Variants in SETD4 observed in about 807,000 individuals in gnomAD.
SETD4 encodes the protein SET domain-containing protein 4.
A neutral mutation model predicts 58.3 loss-of-function variants in SETD4; 46 were observed. The observed-to-expected ratio is 0.79, with a 90% CI of 0.62 to 1.01. The LOEUF (loss-of-function observed/expected upper bound fraction) is 1.01, where lower values mean the gene tolerates loss of function less well. Among genes scored for constraint, SETD4 ranks in the 50% least tolerant of loss-of-function variants. The pLI, the probability that SETD4 is intolerant of heterozygous loss-of-function variation, is 0.00. For synonymous variants in SETD4, 190 were observed against 202.6 expected, an observed-to-expected ratio of 0.94 and a Z score of 0.53; for missense variants, 490 against 523.3, an observed-to-expected ratio of 0.94 and a Z score of 0.62.
At chr21:36,044,858 G>T (rs887046218) in intron 6 of SETD4, among the ~76,000 whole-genome samples, 4 of 152,154 alleles carry the variant, frequency 2.6e-5, no homozygotes, top group African/African-American at 9.7e-5. Flanking sequence ...GTGGTTACAG[G>T]TGAGCCAACT....
intron 5 of SETD4, 111 bp downstream of exon 5, chr21:36,048,197 G>C: frequency 3.3e-6 from 3 of 914,906 alleles, no homozygotes; most frequent in Non-Finnish European, 5.4e-6. Context: ...TTATTTATCA[G>C]CTCTACAAGG....
chr21:36,058,960 T>C, intron 1 of SETD4, 36 bp from the exon 2 acceptor site: 3 of 1,510,452 alleles, frequency 2.0e-6, no homozygotes, highest in Non-Finnish European at 2.7e-6. Context: ...GTAATTTCTG[T>C]GGAAATGCTC....
chr21:36,036,054 CCTT>C, intron 11 of SETD4, 28 bp downstream of exon 11: 1 of 1,606,786 alleles, frequency 6.2e-7, no homozygotes, highest in South Asian at 1.1e-5. Flanking sequence ...GTCCATCAAA[CCTT>C]AGTCTAAAAT....
chr21:36,057,707 T>C (rs1485587921), intron 2 of SETD4, among the ~76,000 whole-genome samples: 2 of 152,192 alleles, frequency 1.3e-5, no homozygotes, highest in Non-Finnish European at 2.9e-5. Flanking sequence ...TTTTAAAACT[T>C]ATTATAAAGC....
chr21:36,040,056 G>A (rs1015923976), intron 9 of SETD4, among the ~76,000 whole-genome samples: 1 of 152,126 alleles, frequency 6.6e-6, no homozygotes, highest in Non-Finnish European at 1.5e-5. Flanking sequence ...TCGACAGGGG[G>A]CTGCAGGGAG....
chr21:36,055,632 C>G (rs1217853634), intron 3 of SETD4, among the ~76,000 whole-genome samples: 1 of 152,224 alleles, frequency 6.6e-6, no homozygotes, highest in African/African-American at 2.4e-5. Flanking sequence ...CTATCATACA[C>G]TGATTAAGAG....
rs763962506 is a variant in SETD4, at chr21:36,057,192, T to C, written c.86A>G (p.His29Arg). The C allele has an allele frequency of 6.2e-7, 1 of 1,614,030 alleles. No homozygotes were observed. Among genetic ancestry groups the C allele is most frequent in the South Asian group, 1.1e-5 (1 of 91,088 alleles). Residue 29 changes from histidine to arginine, a missense_variant, in exon 3 of 12, where the codon CAC (histidine) becomes CGC (arginine). By Grantham distance (29) the His-to-Arg change is conservative. Coordinates refer to ENST00000332131, the MANE Select transcript of SETD4 (RefSeq NM_017438.5). ...SSESRGVNES[H>R]KSEFIELRKW... Reference sequence around the variant, plus strand: ...CCTCAGCTCTATAAATTCAGACTTGTGGCTCTCATTCACTATCAGGCAAGG... The same window carrying C: ...CCTCAGCTCTATAAATTCAGACTTGCGGCTCTCATTCACTATCAGGCAAGG...
chr21:36,046,092 GA>G, intron 5 of SETD4, 81 bp from the exon 6 acceptor site: 1 of 1,448,772 alleles, frequency 6.9e-7, no homozygotes, highest in South Asian at 1.3e-5. Flanking sequence ...TTTGCTGCCA[GA>G]AGGAGTGTGT....
intron 4 of SETD4, chr21:36,050,947 A>T: frequency 6.2e-7 from 1 of 1,610,044 alleles, no homozygotes. Context: ...TTGAGTGAAC[A>T]AGGGAAGCAG....
chr21:36,053,374 T>C, intron 4 of SETD4: 5 of 606,004 alleles, frequency 8.3e-6, no homozygotes, highest in South Asian at 8.2e-5. Context: ...ACAAAATAAA[T>C]TTCCATGCTG....
chr21:36,049,928 C>A (rs13046276), intron 4 of SETD4, among the ~76,000 whole-genome samples: 6,388 of 152,282 alleles, frequency 0.042, 197 homozygotes, highest in Non-Finnish European at 0.061. Context: ...GTCAATTACA[C>A]CTTCCTCCAA....
intron 10 of SETD4, 122 bp downstream of exon 10, chr21:36,038,025 ACAT>A: frequency 8.9e-7 from 1 of 1,125,238 alleles, no homozygotes; most frequent in Non-Finnish European, 1.2e-6. Flanking sequence ...GATTACATCA[ACAT>A]TTATTTATTT....
At chr21:36,054,984 T>G (rs897188268) in intron 3 of SETD4, among the ~76,000 whole-genome samples, 1 of 152,252 alleles carries the variant, frequency 6.6e-6, no homozygotes, top group South Asian at 2.1e-4. Flanking sequence ...AAGTTGGATT[T>G]GATGAGTCCC....
At chr21:36,041,018 G>C (rs1466963840) in intron 8 of SETD4, among the ~76,000 whole-genome samples, 1 of 152,006 alleles carries the variant, frequency 6.6e-6, no homozygotes, top group East Asian at 1.9e-4. Flanking sequence ...AAATTAGCTG[G>C]GCGTGGTCGC....
In SETD4 at chr21:36,045,479, G is replaced by A. The variant is rs188239743; in HGVS notation, c.726+103C>T. 286 of 1,443,216 alleles carry A rather than the reference G, an allele frequency of 2.0e-4. No homozygotes were observed. The African/African-American group carries it at 3.4e-3, about 17-fold the overall frequency. The allele number at this position is 1,443,216 out of a possible 1,614,324, so 89.4% of individuals were successfully genotyped here. On this transcript the variant is annotated intron_variant, in intron 6 of 11. Coordinates refer to ENST00000332131, the MANE Select transcript of SETD4 (RefSeq NM_017438.5). Reference sequence around the variant, plus strand: ...CCTGACAGGGTCACCTGAAGCCGCCGACACCTCTCCCTGTGGTGCCACCCA... The same window carrying A: ...CCTGACAGGGTCACCTGAAGCCGCCAACACCTCTCCCTGTGGTGCCACCCA...
At chr21:36,045,559 C>A in intron 6 of SETD4, 23 bp downstream of exon 6, 1 of 1,605,712 alleles carries the variant, frequency 6.2e-7, no homozygotes, top group Non-Finnish European at 8.5e-7. Context: ...AATAGAATAG[C>A]TGCTCCCTTG....
At chr21:36,041,045 A>T (rs367547578) in intron 8 of SETD4, among the ~76,000 whole-genome samples, 2 of 150,990 alleles carry the variant, frequency 1.3e-5, no homozygotes, top group African/African-American at 4.9e-5. Flanking sequence ...TTGTAGTTCC[A>T]GCTACTTGGG....
Position 36,043,864 on chromosome 21 carries a change from G to A in SETD4, c.819C>T (p.Gly273=). The change falls in exon 7 of 12, where the codon GGC becomes GGT. Residue 273 remains glycine (G), a synonymous_variant. Coordinates refer to ENST00000332131, the MANE Select transcript of SETD4 (RefSeq NM_017438.5). ...RKHEEVFICY[G]PHDNQRLFLE... ...GGAACAGCCGTTGATTATCGTGAGG[G>A]CCGTAACAGATGAATACCTCTTCAT... The A allele has an allele frequency of 6.2e-7, 1 of 1,614,206 alleles. No homozygotes were observed. The highest frequency in any genetic ancestry group is 8.5e-7 in the Non-Finnish European group (1 of 1,180,034).
At chr21:36,036,298 T>C (rs1320654450) in intron 10 of SETD4, 47 bp from the exon 11 acceptor site, 1 of 1,438,522 alleles carries the variant, frequency 7.0e-7, no homozygotes, top group Non-Finnish European at 9.1e-7. Flanking sequence ...AACATATATA[T>C]ATATTTCACA....
Sources: allele counts gnomAD v4.1 joint callset (sites outside exome capture counted in the v4.1 genomes callset), GRCh38; gene constraint gnomAD v4.1.1; transcripts MANE v1.5; gene names NCBI Gene and HGNC (gene_info 2026-07-23, HGNC 2026-07-21).